The following ATR variants were observed in gnomAD, a reference collection of about 807,000 sequenced individuals.
ATR encodes the protein serine/threonine-protein kinase ATR.
ATR carries 142 observed loss-of-function variants against 305.3 expected under a neutral mutation model. The ratio of observed to expected loss-of-function variants is 0.47; its 90% CI spans 0.41 to 0.53. ATR has a LOEUF of 0.53. Ranked by LOEUF, ATR falls within the 20% of genes least tolerant of loss-of-function variation. The pLI is 0.00. For synonymous variants in ATR, 1,050 were observed against 1,068.1 expected (o/e 0.98, Z 0.33); for missense variants, 2,135 against 3,133.1 (o/e 0.68, Z 7.60).
chr3:142,572,053 A>T (rs1577720096), intron 1 of ATR, among the ~76,000 whole-genome samples: 1 of 149,432 alleles, frequency 6.7e-6, no homozygotes, highest in Admixed American at 6.7e-5. Flanking sequence ...GGCGTGAGCC[A>T]CCGCACCCGG....
At chr3:142,498,569 A>T (rs1261190752) in intron 32 of ATR, 28 bp downstream of exon 32, 1 of 1,608,286 alleles carries the variant, frequency 6.2e-7, no homozygotes, top group Non-Finnish European at 8.5e-7. Flanking sequence ...TATAGGCCAG[A>T]AATATAAAAA....
At chr3:142,521,298 G>C (rs1271802327) in intron 23 of ATR, among the ~76,000 whole-genome samples, 3 of 152,204 alleles carry the variant, frequency 2.0e-5, no homozygotes, top group Middle Eastern at 3.4e-3. Context: ...AAATATTACT[G>C]CTCATTGACA....
chr3:142,576,246 A>C (rs1288489668), intron 1 of ATR, among the ~76,000 whole-genome samples: 1 of 152,246 alleles, frequency 6.6e-6, no homozygotes, highest in Non-Finnish European at 1.5e-5. Flanking sequence ...ACGATAACAC[A>C]GGAGAAGGAA....
chr3:142,498,686 C>T lies in ATR; in HGVS notation c.5469G>A (p.Leu1823=), dbSNP rs2031782716. ...KRDITAFYDS[L]KLVRAEQIVP... ...CAATTTGTTCTGCTCTCACTAGTTT[C>T]AGTGAGTCATAAAAAGCTGTGATAT... Residue 1823 remains leucine (L), a synonymous_variant, in exon 32 of 47, where the codon CTG becomes CTA. Transcript: ENST00000350721. 1.2e-6 allele frequency: 2 copies of T among 1,613,740 alleles called. No homozygotes were observed. The highest frequency in any genetic ancestry group is 2.7e-5 in the African/African-American group (2 of 74,906).
chr3:142,498,483 G>T, intron 32 of ATR, 114 bp downstream of exon 32: 1 of 910,332 alleles, frequency 1.1e-6, no homozygotes, highest in Non-Finnish European at 1.7e-6. Flanking sequence ...GAGCTGTCTA[G>T]TGTAGCTATG....
At position 142,522,947 on chromosome 3, in the gene ATR, T is replaced by A. The variant is rs2108396936; in HGVS notation, c.4153-106A>T. On this transcript the variant is annotated intron_variant, in intron 22 of 46. Transcript: ENST00000350721. ...TTTAACTTAACTGCGTAAGTGAATTTAACTTAGACAAAGGAAAAGACAGTG... is the reference window on the plus strand; with the variant it reads ...TTTAACTTAACTGCGTAAGTGAATTAAACTTAGACAAAGGAAAAGACAGTG... 12 of 855,430 alleles carry A rather than the reference T, an allele frequency of 1.4e-5. No individual in the cohort carries two copies. The South Asian group carries it at 1.7e-4, about 12-fold the overall frequency. The allele number at this position is 855,430 out of a possible 1,614,324, so 53.0% of individuals were successfully genotyped here.
At chr3:142,460,374 G>A (rs942293032) in intron 42 of ATR, among the ~76,000 whole-genome samples, 3 of 152,152 alleles carry the variant, frequency 2.0e-5, no homozygotes, top group Non-Finnish European at 4.4e-5. Flanking sequence ...CTTTGCAGAT[G>A]TAATGTTGTT....
At chr3:142,539,005 AT>A (rs2033959042) in intron 18 of ATR, among the ~76,000 whole-genome samples, 1 of 152,178 alleles carries the variant, frequency 6.6e-6, no homozygotes, top group Non-Finnish European at 1.5e-5. Flanking sequence ...GACTATGCAA[AT>A]GTTTTATATA....
intron 35 of ATR, among the ~76,000 whole-genome samples, chr3:142,490,031 A>G (rs1309252745): frequency 6.6e-6 from 1 of 152,126 alleles, no homozygotes; most frequent in African/African-American, 2.4e-5. Flanking sequence ...TTCTTTATGA[A>G]GTGTCTATCC....
At chr3:142,549,725 AAT>A (rs749415341) in intron 14 of ATR, 52 bp from the exon 15 acceptor site, 4 of 1,543,812 alleles carry the variant, frequency 2.6e-6, no homozygotes, top group Non-Finnish European at 1.8e-6. Flanking sequence ...GGGTGAAAAA[AAT>A]ATTCACATAA....
At chr3:142,520,828 A>C (rs1309106594) in intron 23 of ATR, among the ~76,000 whole-genome samples, 2 of 152,210 alleles carry the variant, frequency 1.3e-5, no homozygotes, top group African/African-American at 2.4e-5. Flanking sequence ...GCAACTATTG[A>C]TAGAGAAGCT....
intron 1 of ATR, among the ~76,000 whole-genome samples, chr3:142,573,051 ATTTTATTTCT>A (rs2035326204): frequency 6.6e-6 from 1 of 152,210 alleles, no homozygotes; most frequent in Admixed American, 6.5e-5. Context: ...GAGAAAATGC[ATTTTATTTCT>A]TTTTGCCTCT....
chr3:142,549,682 G>C lies in ATR; in HGVS notation c.2977-9C>G. 6.2e-7 allele frequency: 1 copy of C among 1,612,242 alleles called. No individual in the cohort carries two copies. Among genetic ancestry groups the C allele is most frequent in the Non-Finnish European group, 8.5e-7 (1 of 1,179,044 alleles). ...AGAACTTGTAATGTCCTCTGAAAAA[G>C]AATGCAACAATTACCAAAAAGTACA... On this transcript the variant is annotated splice_polypyrimidine_tract_variant and intron_variant, in intron 14 of 46. Transcript: ENST00000350721.
At chr3:142,502,772 T>C (rs2108350667) in intron 30 of ATR, among the ~76,000 whole-genome samples, 1 of 152,358 alleles carries the variant, frequency 6.6e-6, no homozygotes, top group African/African-American at 2.4e-5. Context: ...AATCAAGGAA[T>C]ACAGCTGTCA....
In ATR at chr3:142,520,051, G is replaced by A. The variant is rs191158304; in HGVS notation, c.4267-267C>T. Among the ~76,000 whole-genome samples the A allele has an allele frequency of 4.2e-3, 634 of 151,892 alleles. 13 individuals are homozygous for A. Among genetic ancestry groups the A allele is most frequent in the African/African-American group, 0.015 (608 of 41,394 alleles). ...ACTTCATGTCTCTATGTCGCATTTC[G>A]GTAATTCTCAAAATATTTCAAACTT... is the stretch of plus-strand genomic sequence containing the variant. On this transcript the variant is annotated intron_variant, in intron 23 of 46. Transcript: ENST00000350721.
At chr3:142,499,875 C>T in intron 30 of ATR, 157 bp from the exon 31 acceptor site, 1 of 623,672 alleles carries the variant, frequency 1.6e-6, no homozygotes, top group Non-Finnish European at 2.7e-6. Flanking sequence ...TATCCAGAAA[C>T]TATCCAGAAA....
chr3:142,535,925 C>T (rs1473650944), intron 20 of ATR, among the ~76,000 whole-genome samples, 183 bp downstream of exon 20: 2 of 152,088 alleles, frequency 1.3e-5, no homozygotes, highest in African/African-American at 4.8e-5. Context: ...AATCTAAATG[C>T]TAAAACTTCC....
rs112548387 is a variant in ATR at position 142,494,057 on chromosome 3, T to TA, written c.5899-747dup. On this transcript the variant is annotated intron_variant, in intron 34 of 46. Transcript: ENST00000350721. ...TCTCTCAAAACATAAAAATTTAAAT[T>TA]AAAAAAAAAAAGAAATATTACAAAG... Among the ~76,000 whole-genome samples the TA allele has an allele frequency of 1.0e-2, 1,376 of 138,050 alleles. 21 individuals carry two copies. Among genetic ancestry groups the TA allele is most frequent in the African/African-American group, 0.034 (1,271 of 37,702 alleles). 90.6% of individuals were successfully genotyped at this position (138,050 alleles called of 152,430 possible).
chr3:142,452,003 C>A, intron 46 of ATR: 2 of 1,033,818 alleles, frequency 1.9e-6, no homozygotes, highest in Non-Finnish European at 2.3e-6. Context: ...TCAACTGCTA[C>A]AGAGTGAATT....
Sources: gnomAD v4.1 joint callset for allele counts (sites outside exome capture counted in the v4.1 genomes callset) on GRCh38, gnomAD v4.1.1 for gene constraint, MANE v1.5 for transcripts, NCBI Gene and HGNC (gene_info 2026-07-23, HGNC 2026-07-21) for gene names.